The following IL1RAPL2 variants were observed in gnomAD, a reference collection of about 807,000 sequenced individuals.
The protein encoded by IL1RAPL2 is interleukin 1 receptor accessory protein like 2.
In IL1RAPL2, 3 loss-of-function variants were observed where a neutral mutation model predicts 44.1. The observed-to-expected ratio is 0.07, with a 90% CI of 0.03 to 0.18. The LOEUF is 0.18. Among genes scored for constraint, IL1RAPL2 ranks in the 10% least tolerant of loss-of-function variants. The probability of loss-of-function intolerance (pLI) is 1.00; values close to 1 mark genes in which losing one functional copy is unlikely to be tolerated. For synonymous variants in IL1RAPL2, 181 were observed against 178.8 expected, an observed-to-expected ratio of 1.01 and a Z score of -0.10; for missense variants, 391 against 496.4, an observed-to-expected ratio of 0.79 and a Z score of 2.02.
chrX:105,147,835 T>C (rs1482991709), intron 2 of IL1RAPL2, among the ~76,000 whole-genome samples: 1 of 111,487 alleles, frequency 9.0e-6, no homozygotes, highest in East Asian at 2.8e-4. Flanking sequence ...GACATATGAT[T>C]TTATTTCTTT....
At chrX:104,682,190 G>A (rs1199636406) in intron 2 of IL1RAPL2, among the ~76,000 whole-genome samples, 2 of 111,860 alleles carry the variant, frequency 1.8e-5, no homozygotes, top group Non-Finnish European at 3.8e-5. Context: ...GTAGGTCAGT[G>A]TGGTAATATA....
intron 2 of IL1RAPL2, among the ~76,000 whole-genome samples, chrX:105,071,185 G>C (rs1432122226): frequency 9.0e-6 from 1 of 111,397 alleles, no homozygotes; most frequent in South Asian, 3.7e-4. Flanking sequence ...AATGGTAAAA[G>C]TGCAGGATAC....
intron 5 of IL1RAPL2, among the ~76,000 whole-genome samples, chrX:105,376,622 A>G (rs1179904819): frequency 1.8e-5 from 2 of 111,838 alleles, no homozygotes; most frequent in Non-Finnish European, 3.8e-5. Flanking sequence ...ATTCTAAAAG[A>G]GCCACTGAGT....
intron 2 of IL1RAPL2, among the ~76,000 whole-genome samples, chrX:105,053,909 A>G (rs58438925): frequency 0.066 from 7,359 of 111,661 alleles, 663 homozygotes; most frequent in African/African-American, 0.23. Context: ...CTGAAGTGGG[A>G]GAATTGCTTA....
At chrX:104,944,851 G>T (rs1042620969) in intron 2 of IL1RAPL2, among the ~76,000 whole-genome samples, 1 of 111,526 alleles carries the variant, frequency 9.0e-6, no homozygotes, top group South Asian at 3.8e-4. Flanking sequence ...ACAGGTTTCT[G>T]GGTCATAAAG....
intron 2 of IL1RAPL2, among the ~76,000 whole-genome samples, chrX:104,764,936 G>C: frequency 1.8e-5 from 2 of 111,989 alleles, no homozygotes; most frequent in Middle Eastern, 4.7e-3. Flanking sequence ...TTTTTCTAAT[G>C]TATTGTTGAA....
At chrX:105,580,361 TG>T (rs2037080499) in intron 6 of IL1RAPL2, among the ~76,000 whole-genome samples, 1 of 101,681 alleles carries the variant, frequency 9.8e-6, no homozygotes, top group Non-Finnish European at 2.0e-5. Context: ...GAACCCCCCG[TG>T]TTTTTTTTTT....
chrX:105,241,001 C>T (rs1049969420), intron 4 of IL1RAPL2, among the ~76,000 whole-genome samples: 2 of 111,023 alleles, frequency 1.8e-5, no homozygotes, highest in Admixed American at 9.6e-5. Flanking sequence ...GAGCTGAGAG[C>T]GCACCACTGC....
chrX:104,811,981 T>G (rs1178041277), intron 2 of IL1RAPL2, among the ~76,000 whole-genome samples: 1 of 110,800 alleles, frequency 9.0e-6, no homozygotes, highest in African/African-American at 3.3e-5. Context: ...TAATAAGAAA[T>G]GTCTCTTGTC....
chrX:105,583,446 T>A (rs1049329785), intron 6 of IL1RAPL2, among the ~76,000 whole-genome samples: 1 of 112,123 alleles, frequency 8.9e-6, no homozygotes, highest in African/African-American at 3.2e-5. Context: ...GAATTCAATT[T>A]TTTAAATTGA....
rs751992506 is a variant in IL1RAPL2, at chrX:105,686,129, G to A, written c.773-31238G>A. ...AAATTGTAAAGACCATCGATGCTAT[G>A]AAGAAACTGCATCAATTAACGGGCA... On this transcript the variant is annotated intron_variant, in intron 6 of 10. Coordinates refer to ENST00000372582, the MANE Select transcript of IL1RAPL2 (RefSeq NM_017416.2). Among the ~76,000 whole-genome samples, 39 of 110,781 alleles carry A rather than the reference G, an allele frequency of 3.5e-4. 1 individual carries two copies. In the South Asian group the frequency reaches 0.015, roughly 42 times the overall value.
chrX:105,357,670 A>G (rs1482477733), intron 5 of IL1RAPL2, among the ~76,000 whole-genome samples: 1 of 110,490 alleles, frequency 9.1e-6, no homozygotes, highest in Admixed American at 9.7e-5. Flanking sequence ...AAATCAGGAC[A>G]GGCTAAAAGA....
At chrX:105,610,011 T>TA (rs1425569627) in intron 6 of IL1RAPL2, among the ~76,000 whole-genome samples, 1 of 112,034 alleles carries the variant, frequency 8.9e-6, no homozygotes, top group Non-Finnish European at 1.9e-5. Flanking sequence ...GAGTTATTTT[T>TA]AATAGAGAAT....
intron 2 of IL1RAPL2, among the ~76,000 whole-genome samples, chrX:104,879,675 A>C (rs1408517065): frequency 8.9e-6 from 1 of 112,118 alleles, no homozygotes; most frequent in East Asian, 2.8e-4. Flanking sequence ...GGTGCAAATT[A>C]TCACAGTAGT....
In IL1RAPL2 at chrX:104,846,452, T is replaced by C. The variant is rs187422372; in HGVS notation, c.82+187457T>C. Among the ~76,000 whole-genome samples, 6 of 110,573 alleles carry C rather than the reference T, an allele frequency of 5.4e-5. No homozygotes were observed. The East Asian group carries it at 1.7e-3, about 32-fold the overall frequency. ...ATGAGTGAGAACATGGGGTGTTTGG[T>C]TTTTTGTCCTTGTGCTAGTTTGCTG... On this transcript the variant is annotated intron_variant, in intron 2 of 10. Coordinates refer to ENST00000372582, the MANE Select transcript of IL1RAPL2 (RefSeq NM_017416.2).
intron 5 of IL1RAPL2, among the ~76,000 whole-genome samples, chrX:105,309,906 G>A (rs780665401): frequency 3.2e-4 from 36 of 110,943 alleles, no homozygotes; most frequent in African/African-American, 1.2e-3. Context: ...ATATATAAAG[G>A]CCTTTTGCAT....
At chrX:105,527,929 G>A (rs2036605805) in intron 6 of IL1RAPL2, among the ~76,000 whole-genome samples, 1 of 111,818 alleles carries the variant, frequency 8.9e-6, no homozygotes, top group African/African-American at 3.2e-5. Flanking sequence ...AAAATATGCA[G>A]AACTGCTGCC....
intron 2 of IL1RAPL2, among the ~76,000 whole-genome samples, chrX:105,086,840 A>T (rs1034255142): frequency 4.5e-5 from 5 of 110,612 alleles, no homozygotes; most frequent in African/African-American, 1.6e-4. Flanking sequence ...CATATATGGC[A>T]ATTGGCTATC....
intron 6 of IL1RAPL2, among the ~76,000 whole-genome samples, chrX:105,660,479 A>T (rs2037711572): frequency 9.0e-6 from 1 of 111,536 alleles, no homozygotes; most frequent in Non-Finnish European, 1.9e-5. Context: ...AACACAGAAT[A>T]TTACAATGCT....
Sources: gnomAD v4.1 joint callset for allele counts (sites outside exome capture counted in the v4.1 genomes callset) on GRCh38, gnomAD v4.1.1 for gene constraint, MANE v1.5 for transcripts, NCBI Gene and HGNC (gene_info 2026-07-23, HGNC 2026-07-21) for gene names.